The following HMGXB3 variants were observed in gnomAD, a reference collection of about 807,000 sequenced individuals.
HMGXB3 encodes HMG domain-containing protein 3.
In HMGXB3, 45 loss-of-function variants were observed where a neutral mutation model predicts 121.5. That is an observed-to-expected ratio of 0.37 (90% CI 0.29 to 0.47). The LOEUF is 0.47. Ranked by LOEUF, HMGXB3 falls within the 20% of genes least tolerant of loss-of-function variation. The pLI is 0.99. For missense variants in HMGXB3, 1,376 were observed against 1,602.2 expected, an observed-to-expected ratio of 0.86 and a Z score of 2.41; for synonymous variants, 590 against 624.1, an observed-to-expected ratio of 0.95 and a Z score of 0.81.
Position 150,048,564 on chromosome 5 carries a change from T to C in HMGXB3, c.3085-5T>C. 5 of 1,543,204 alleles carry C rather than the reference T, an allele frequency of 3.2e-6. No individual in the cohort carries two copies. Among genetic ancestry groups the C allele is most frequent in the Non-Finnish European group, 4.4e-6 (5 of 1,138,906 alleles). On this transcript the variant is annotated splice_region_variant and splice_polypyrimidine_tract_variant and intron_variant, in intron 17 of 19. Transcript: ENST00000502717. ...TATGTTTTTAATCTTGTCCTTCTAC[T>C]CCAGGACCAGCTCTGCTTCTCCTTG...
rs371331328 is a variant in HMGXB3, at chr5:150,022,077, ATTAT to A, written c.1042-2182_1042-2179del. On this transcript the variant is annotated intron_variant, in intron 6 of 19. Transcript: ENST00000502717. ...AAAACATTATATTTTTTTGTGTGTG[ATTAT>A]TTTATTTTTATTTTTTTAGGCTCAT... Among the ~76,000 whole-genome samples, 719 of 152,172 alleles carry A rather than the reference ATTAT, an allele frequency of 4.7e-3. 6 individuals are homozygous for A. Among genetic ancestry groups the A allele is most frequent in the African/African-American group, 0.015 (631 of 41,476 alleles).
chr5:150,015,016 A>G (rs1014787112), intron 5 of HMGXB3: 3 of 596,344 alleles, frequency 5.0e-6, no homozygotes, highest in South Asian at 3.1e-5. Context: ...CAAACCACCA[A>G]TGATTGCCCC....
At chr5:150,032,694 C>T (rs1756409504) in intron 11 of HMGXB3, 91 bp downstream of exon 11, 3 of 1,428,170 alleles carry the variant, frequency 2.1e-6, no homozygotes, top group Admixed American at 4.2e-5. Context: ...TTTTAAAGTA[C>T]ATGGTGGTAG....
intron 18 of HMGXB3, among the ~76,000 whole-genome samples, chr5:150,049,612 CAG>C (rs1298104127): frequency 1.3e-5 from 2 of 152,192 alleles, no homozygotes; most frequent in Admixed American, 6.5e-5. Flanking sequence ...GTTCATGCGA[CAG>C]GGGATCATCT....
At position 150,028,560 on chromosome 5, in the gene HMGXB3, T is replaced by TATATATA. The variant is rs57641340; in HGVS notation, c.1734+1443_1734+1444insATATATA. On this transcript the variant is annotated intron_variant, in intron 9 of 19. Transcript: ENST00000502717. ...GTGTGTGTATATATATATATATATA[T>TATATATA]TTTTTTTTTTTTTTTTTTCCTCCAG... is the stretch of plus-strand genomic sequence containing the variant. 8.1e-3 allele frequency among the ~76,000 whole-genome samples: 568 copies of TATATATA among 69,978 alleles called. 22 individuals carry two copies. Among genetic ancestry groups the TATATATA allele is most frequent in the South Asian group, 0.011 (26 of 2,290 alleles). The allele number at this position is 69,978 out of a possible 152,430, so 45.9% of individuals were successfully genotyped here.
At position 150,040,759 on chromosome 5, in the gene HMGXB3, G is replaced by C; in HGVS notation, c.2425G>C (p.Val809Leu). ...FIDIYTGLFNVGNKLLVSLDL... is the reference protein window; with the variant it reads ...FIDIYTGLFNLGNKLLVSLDL... ...TTCTTAACCTGCAGGTCTCTTTAAT[G>C]TGGGGAACAAGCTGCTGGTAAGCCT... Residue 809 changes from valine (V) to leucine (L), a missense_variant, in exon 14 of 20, where the codon GTG becomes CTG. Physicochemically the swap from Val to Leu is conservative, Grantham distance 32. Transcript: ENST00000502717. 6.4e-7 allele frequency: 1 copy of C among 1,551,642 alleles called. No individual in the cohort carries two copies. Among genetic ancestry groups the C allele is most frequent in the Non-Finnish European group, 8.7e-7 (1 of 1,146,958 alleles).
chr5:150,043,909 G>A (rs1383506823), intron 15 of HMGXB3, among the ~76,000 whole-genome samples: 1 of 152,164 alleles, frequency 6.6e-6, no homozygotes, highest in Non-Finnish European at 1.5e-5. Context: ...TACCTCCTAC[G>A]ACTCTGAGTT....
chr5:150,052,264 C>A lies in HMGXB3; in HGVS notation c.*72C>A. The A allele has an allele frequency of 8.0e-7, 1 of 1,242,940 alleles. No individual in the cohort carries two copies. Among genetic ancestry groups the A allele is most frequent in the Non-Finnish European group, 1.1e-6 (1 of 901,934 alleles). The allele number at this position is 1,242,940 out of a possible 1,614,324, so 77.0% of individuals were successfully genotyped here. A position where few individuals can be genotyped will look rare whatever the true frequency, so the allele number is the denominator to read the frequency against. On this transcript the variant is annotated 3_prime_UTR_variant, in exon 20 of 20. Coordinates refer to ENST00000502717, the MANE Select transcript of HMGXB3 (RefSeq NM_014983.3). ...GGCCCTTGCCTGAGGCAGAGCTATCCAGGGGACCTGCAGAAGTGGTCTCCT... is the reference window on the plus strand; with the variant it reads ...GGCCCTTGCCTGAGGCAGAGCTATCAAGGGGACCTGCAGAAGTGGTCTCCT...
chr5:150,039,650 T>C (rs1469601815), intron 13 of HMGXB3, among the ~76,000 whole-genome samples: 1 of 152,204 alleles, frequency 6.6e-6, no homozygotes, highest in African/African-American at 2.4e-5. Context: ...TTGTTGACAG[T>C]TTTCTCCCAG....
At chr5:150,043,908 C>T (rs537669544) in intron 15 of HMGXB3, among the ~76,000 whole-genome samples, 15 of 152,314 alleles carry the variant, frequency 9.8e-5, no homozygotes, top group African/African-American at 2.6e-4. Flanking sequence ...GTACCTCCTA[C>T]GACTCTGAGT....
intron 7 of HMGXB3, 30 bp downstream of exon 7, chr5:150,024,710 CTT>C (rs1176594570): frequency 6.8e-7 from 1 of 1,469,232 alleles, no homozygotes; most frequent in Non-Finnish European, 9.1e-7. Context: ...TAATATAGGG[CTT>C]TGGAAATGCC....
At chr5:150,046,919 T>C (rs1159323395) in intron 16 of HMGXB3, among the ~76,000 whole-genome samples, 3 of 150,118 alleles carry the variant, frequency 2.0e-5, no homozygotes, top group Admixed American at 2.0e-4. Flanking sequence ...GGAGTCCTGC[T>C]CTGTTGCCCA....
Position 150,048,793 on chromosome 5 carries a change from A to G in HMGXB3, c.3201+108A>G, listed in dbSNP as rs1756820578. Reference sequence around the variant, plus strand: ...GGGGGCTAGACTTAGGTCACTGGGCAACCTCCGGCATAGCTGCCCACGGGT... The same window carrying G: ...GGGGGCTAGACTTAGGTCACTGGGCGACCTCCGGCATAGCTGCCCACGGGT... On this transcript the variant is annotated intron_variant, in intron 18 of 19. Transcript: ENST00000502717. 5.0e-6 allele frequency: 4 copies of G among 802,178 alleles called. No individual in the cohort carries two copies. In the Admixed American group the frequency reaches 6.2e-5, roughly 12 times the overall value. The allele number at this position is 802,178 out of a possible 1,614,324, so 49.7% of individuals were successfully genotyped here. A position where few individuals can be genotyped will look rare whatever the true frequency, so the allele number is the denominator to read the frequency against.
At position 150,033,547 on chromosome 5, in the gene HMGXB3, A is replaced by G. The variant is rs527882033; in HGVS notation, c.1983+944A>G. ...GAAGAGTGTTCCATTTGGCTGGAGG[A>G]GATGGCGTGGGGGCATGGGGTGGGA... On this transcript the variant is annotated intron_variant, in intron 11 of 19. Transcript: ENST00000502717. 1.0e-3 allele frequency among the ~76,000 whole-genome samples: 156 copies of G among 152,250 alleles called. 2 individuals carry two copies. The highest frequency in any genetic ancestry group is 5.2e-3 in the Admixed American group (79 of 15,288).
chr5:150,037,591 A>G, intron 13 of HMGXB3, 64 bp downstream of exon 13: 1 of 1,381,296 alleles, frequency 7.2e-7, no homozygotes, highest in Non-Finnish European at 9.5e-7. Context: ...GCCTCTATGG[A>G]TGAGACCTCT....
Position 150,053,117 on chromosome 5 carries a change from T to C in HMGXB3, c.*925T>C, listed in dbSNP as rs151112573. 4.0e-4 allele frequency: 74 copies of C among 187,316 alleles called. No individual in the cohort carries two copies. Among genetic ancestry groups the C allele is most frequent in the Non-Finnish European group, 6.5e-4 (58 of 88,748 alleles). The allele number at this position is 187,316 out of a possible 1,614,324, so 11.6% of individuals were successfully genotyped here. A position where few individuals can be genotyped will look rare whatever the true frequency, so the allele number is the denominator to read the frequency against. Reference sequence around the variant, plus strand: ...CCCTCTTCCCCCAACAAGAATAAAGTTTATTAAATTATCTGGTTTTGGTGT... The same window carrying C: ...CCCTCTTCCCCCAACAAGAATAAAGCTTATTAAATTATCTGGTTTTGGTGT... On this transcript the variant is annotated 3_prime_UTR_variant, in exon 20 of 20. Transcript: ENST00000502717.
chr5:150,031,236 T>C (rs1756370574), intron 10 of HMGXB3, among the ~76,000 whole-genome samples: 1 of 152,242 alleles, frequency 6.6e-6, no homozygotes, highest in Non-Finnish European at 1.5e-5. Context: ...AACACGAGTA[T>C]CTTAAAGTAA....
At chr5:150,039,276 A>G (rs1474744529) in intron 13 of HMGXB3, among the ~76,000 whole-genome samples, 1 of 152,114 alleles carries the variant, frequency 6.6e-6, no homozygotes, top group African/African-American at 2.4e-5. Context: ...TCCAGTCCAT[A>G]GTCTTTCTCT....
chr5:150,028,750 G>A (rs1756305973), intron 9 of HMGXB3, among the ~76,000 whole-genome samples: 1 of 150,298 alleles, frequency 6.7e-6, no homozygotes, highest in Non-Finnish European at 1.5e-5. Context: ...AATTTTTTTT[G>A]TAGAAACGGG....
Sources: allele counts gnomAD v4.1 joint callset (sites outside exome capture counted in the v4.1 genomes callset), GRCh38; gene constraint gnomAD v4.1.1; transcripts MANE v1.5; gene names NCBI Gene and HGNC (gene_info 2026-07-23, HGNC 2026-07-21).